RAP1GDS1: variants seen among roughly 807,000 people sequenced by gnomAD.
RAP1GDS1 encodes Rap1 GTPase-GDP dissociation stimulator 1, also known as RAP1, GTP-GDP dissociation stimulator 1.
A neutral mutation model predicts 71.1 loss-of-function variants in RAP1GDS1; 35 were observed. The ratio of observed to expected loss-of-function variants is 0.49; its 90% CI spans 0.38 to 0.65. The LOEUF (loss-of-function observed/expected upper bound fraction) is 0.65, where lower values mean the gene tolerates loss of function less well. RAP1GDS1 is among the 30% of genes least tolerant of loss of function. The pLI is 0.00. For synonymous variants in RAP1GDS1, 229 were observed against 243.1 expected (o/e 0.94, Z 0.54); for missense variants, 663 against 706.1 (o/e 0.94, Z 0.69).
At chr4:98,291,273 C>T (rs1330453378) in intron 1 of RAP1GDS1, among the ~76,000 whole-genome samples, 1 of 152,000 alleles carries the variant, frequency 6.6e-6, no homozygotes, top group Admixed American at 6.6e-5. Context: ...TTTCACAAGA[C>T]GAACTAGACC....
intron 4 of RAP1GDS1, among the ~76,000 whole-genome samples, chr4:98,359,416 A>G (rs893431776): frequency 2.0e-5 from 3 of 152,154 alleles, no homozygotes; most frequent in Non-Finnish European, 2.9e-5. Flanking sequence ...AAAACCTTTA[A>G]GTAGTAAAGA....
intron 7 of RAP1GDS1, 48 bp from the exon 8 acceptor site, chr4:98,416,697 T>C (rs1361333180): frequency 6.6e-7 from 1 of 1,515,082 alleles, no homozygotes; most frequent in Non-Finnish European, 9.1e-7. Context: ...ATACCAGAGC[T>C]CCTATTTTAT....
rs1722242324 is a variant in RAP1GDS1 at position 98,262,981 on chromosome 4, C to G, written c.4+1412C>G. Among the ~76,000 whole-genome samples the G allele has an allele frequency of 2.0e-5, 3 of 152,274 alleles. No homozygotes were observed. In the South Asian group the frequency reaches 6.2e-4, roughly 32 times the overall value. On this transcript the variant is annotated intron_variant, in intron 1 of 14. Coordinates refer to ENST00000408927, the MANE Select transcript of RAP1GDS1 (RefSeq NM_001100427.2). ...TAACGTGAGTACTCGATATGCTGAA[C>G]AAATTTCTGTAAAAATTGGGTGGCC...
chr4:98,307,023 A>G (rs1052600180), intron 2 of RAP1GDS1, among the ~76,000 whole-genome samples: 3 of 152,062 alleles, frequency 2.0e-5, no homozygotes, highest in African/African-American at 7.2e-5. Flanking sequence ...TTTTTTTCTA[A>G]TGGAAGCTTC....
intron 1 of RAP1GDS1, among the ~76,000 whole-genome samples, chr4:98,265,333 GAAACTTAGAT>G (rs1308222524): frequency 6.6e-6 from 1 of 152,162 alleles, no homozygotes; most frequent in Non-Finnish European, 1.5e-5. Context: ...ACAGGAAGAG[GAAACTTAGAT>G]ACTCAATTTT....
intron 4 of RAP1GDS1, among the ~76,000 whole-genome samples, chr4:98,354,817 T>G (rs2110427820): frequency 6.6e-6 from 1 of 152,282 alleles, no homozygotes; most frequent in South Asian, 2.1e-4. Context: ...GCCCATATTT[T>G]TATACTTTTA....
At chr4:98,384,340 T>C (rs1425180327) in intron 5 of RAP1GDS1, among the ~76,000 whole-genome samples, 1 of 151,648 alleles carries the variant, frequency 6.6e-6, no homozygotes, top group Non-Finnish European at 1.5e-5. Flanking sequence ...TCTTTCTTTA[T>C]TATACTAACT....
intron 6 of RAP1GDS1, among the ~76,000 whole-genome samples, chr4:98,393,946 A>T (rs1744125508): frequency 6.6e-6 from 1 of 152,206 alleles, no homozygotes; most frequent in Admixed American, 6.5e-5. Flanking sequence ...TTTTGCTCTC[A>T]TTATATTTCT....
Position 98,328,639 on chromosome 4 carries a change from G to GT in RAP1GDS1, c.113-14492dup, listed in dbSNP as rs527730050. ...CAATCTAATAAGGATGTGTTTTATA[G>GT]TTTTTTTTAATAAACATAACTTTCT... is the stretch of plus-strand genomic sequence containing the variant. On this transcript the variant is annotated intron_variant, in intron 2 of 14. Transcript: ENST00000408927. 1.2e-3 allele frequency among the ~76,000 whole-genome samples: 180 copies of GT among 152,108 alleles called. 1 individual carries two copies. In the South Asian group the frequency reaches 0.018, roughly 15 times the overall value.
At chr4:98,278,162 G>A (rs763965789) in intron 1 of RAP1GDS1, among the ~76,000 whole-genome samples, 37 of 152,214 alleles carry the variant, frequency 2.4e-4, no homozygotes, top group Non-Finnish European at 1.3e-4. Context: ...TAGAGCCACC[G>A]CATTCCAACC....
At chr4:98,315,758 G>T (rs904368338) in intron 2 of RAP1GDS1, among the ~76,000 whole-genome samples, 1 of 152,040 alleles carries the variant, frequency 6.6e-6, no homozygotes, top group African/African-American at 2.4e-5. Context: ...GTAAAAATCA[G>T]ATTGGTGTTT....
intron 3 of RAP1GDS1, among the ~76,000 whole-genome samples, chr4:98,349,665 CT>C (rs1490388154): frequency 1.3e-5 from 2 of 152,126 alleles, no homozygotes; most frequent in African/African-American, 4.8e-5. Context: ...TGTAATTCTC[CT>C]TGAAGAGGTC....
chr4:98,291,925 A>G lies in RAP1GDS1; in HGVS notation c.5-1483A>G, dbSNP rs535438204. On this transcript the variant is annotated intron_variant, in intron 1 of 14. Coordinates refer to ENST00000408927, the MANE Select transcript of RAP1GDS1 (RefSeq NM_001100427.2). ...ACCTTTAAGGAACTGCCAGGTGTCC[A>G]GTTTTAGTATATCAGTGAATATCCG... Among the ~76,000 whole-genome samples the G allele has an allele frequency of 3.9e-5, 6 of 152,266 alleles. No individual in the cohort carries two copies. The South Asian group carries it at 1.2e-3, about 32-fold the overall frequency.
chr4:98,286,126 G>A (rs974480047), intron 1 of RAP1GDS1, among the ~76,000 whole-genome samples: 7 of 151,730 alleles, frequency 4.6e-5, no homozygotes, highest in Non-Finnish European at 7.4e-5. Flanking sequence ...TTAGCTGGGC[G>A]TTGTAGTCAG....
At chr4:98,295,496 T>A (rs1342239942) in intron 2 of RAP1GDS1, among the ~76,000 whole-genome samples, 1 of 152,118 alleles carries the variant, frequency 6.6e-6, no homozygotes, top group Non-Finnish European at 1.5e-5. Context: ...TGTTTAGCAC[T>A]GGGCTGGGGA....
At position 98,421,169 on chromosome 4, in the gene RAP1GDS1, G is replaced by A. The variant is rs577344464; in HGVS notation, c.1301-86G>A. ...ATTGTCGTGCTGTGTTTTTTTAGAC[G>A]TCCTTCACACTCTCAAATCTGTACG... is the stretch of plus-strand genomic sequence containing the variant. On this transcript the variant is annotated intron_variant, in intron 11 of 14. Coordinates refer to ENST00000408927, the MANE Select transcript of RAP1GDS1 (RefSeq NM_001100427.2). 27 of 1,324,652 alleles carry A rather than the reference G, an allele frequency of 2.0e-5. No individual in the cohort carries two copies. In the East Asian group the frequency reaches 2.2e-4, roughly 11 times the overall value. 82.1% of individuals were successfully genotyped at this position (1,324,652 alleles called of 1,614,324 possible). A position where few individuals can be genotyped will look rare whatever the true frequency, so the allele number is the denominator to read the frequency against.
chr4:98,300,105 G>A (rs964634849), intron 2 of RAP1GDS1, among the ~76,000 whole-genome samples: 13 of 152,082 alleles, frequency 8.5e-5, no homozygotes, highest in Non-Finnish European at 1.5e-4. Flanking sequence ...TGCATGCTAC[G>A]GGTATCTTTT....
intron 1 of RAP1GDS1, among the ~76,000 whole-genome samples, chr4:98,265,264 A>G (rs1722568308): frequency 6.6e-6 from 1 of 152,236 alleles, no homozygotes; most frequent in Non-Finnish European, 1.5e-5. Flanking sequence ...ATTGAGAGTC[A>G]CAGGTTTTAG....
chr4:98,409,044 G>GA (rs539726197), intron 7 of RAP1GDS1, among the ~76,000 whole-genome samples: 3 of 151,612 alleles, frequency 2.0e-5, no homozygotes, highest in Non-Finnish European at 4.4e-5. Flanking sequence ...GAGAATAAAA[G>GA]AAAAAAAATT....
Sources: allele counts gnomAD v4.1 joint callset (sites outside exome capture counted in the v4.1 genomes callset), GRCh38; gene constraint gnomAD v4.1.1; transcripts MANE v1.5; gene names NCBI Gene and HGNC (gene_info 2026-07-23, HGNC 2026-07-21).